IGF2BP1: variants seen among roughly 807,000 people sequenced by gnomAD.
IGF2BP1 encodes the protein insulin-like growth factor 2 mRNA-binding protein 1.
Under a neutral mutation model 74.9 loss-of-function variants are expected in IGF2BP1, and 11 were observed. The ratio of observed to expected loss-of-function variants is 0.15; its 90% confidence interval spans 0.09 to 0.24. The LOEUF (loss-of-function observed/expected upper bound fraction) is 0.24, where lower values mean the gene tolerates loss of function less well. Ranked by LOEUF, IGF2BP1 falls within the 10% of genes least tolerant of loss-of-function variation. The pLI, the probability that IGF2BP1 is intolerant of heterozygous loss-of-function variation, is 1.00. For synonymous variants in IGF2BP1, 287 were observed against 281.8 expected, an observed-to-expected ratio of 1.02 and a Z score of -0.18; for missense variants, 440 against 757.4, an observed-to-expected ratio of 0.58 and a Z score of 4.92.
At chr17:49,002,194 ATTAGTT>A (rs1742474772) in intron 2 of IGF2BP1, among the ~76,000 whole-genome samples, 1 of 152,172 alleles carries the variant, frequency 6.6e-6, no homozygotes, top group African/African-American at 2.4e-5. Context: ...ATTAAACAAA[ATTAGTT>A]TTATAAATCG....
At chr17:49,038,584 C>T in intron 6 of IGF2BP1, 135 bp downstream of exon 6, 3 of 919,544 alleles carry the variant, frequency 3.3e-6, no homozygotes, top group Non-Finnish European at 4.4e-6. Context: ...ATTCAGGGGT[C>T]CCTGCTTCCA....
intron 2 of IGF2BP1, among the ~76,000 whole-genome samples, chr17:49,008,656 C>G (rs1268210619): frequency 6.6e-6 from 1 of 152,182 alleles, no homozygotes; most frequent in Admixed American, 6.5e-5. Context: ...TGTCTAGGCC[C>G]AAACTCCTTT....
At chr17:49,029,848 A>T (rs2041901853) in intron 4 of IGF2BP1, among the ~76,000 whole-genome samples, 1 of 148,068 alleles carries the variant, frequency 6.8e-6, no homozygotes, top group Admixed American at 6.8e-5. Flanking sequence ...CTATGTTGCC[A>T]GGCTGGTCTC....
intron 4 of IGF2BP1, among the ~76,000 whole-genome samples, chr17:49,028,713 T>C (rs2041884884): frequency 6.6e-6 from 1 of 152,192 alleles, no homozygotes; most frequent in Admixed American, 6.5e-5. Flanking sequence ...ATGTTTGACT[T>C]TGTTGGACAG....
chr17:48,997,340 G>A (rs1460189493), upstream of IGF2BP1: 1 of 160,702 alleles, frequency 6.2e-6, no homozygotes, highest in African/African-American at 2.4e-5. The surrounding 1 kb of genome is among the most constrained non-coding windows in gnomAD (Gnocchi z 4.8). Context: ...GGTGGGTGGG[G>A]GCTGTCACCA....
In IGF2BP1 at chr17:49,038,874, A is replaced by ATCTT. The variant is rs1491495832; in HGVS notation, c.683+426_683+427insCTTT. Among the ~76,000 whole-genome samples, 57 of 75,274 alleles carry ATCTT rather than the reference A, an allele frequency of 7.6e-4. 5 individuals are homozygous for ATCTT. Among genetic ancestry groups the ATCTT allele is most frequent in the African/African-American group, 2.6e-3 (47 of 17,870 alleles). The allele number at this position is 75,274 out of a possible 152,430, so 49.4% of individuals were successfully genotyped here. Reference sequence around the variant, plus strand: ...CTGCCACTGCCACCTTCTTTCTTTAATATTTTTTTTTTTTTTTTTTTGAGA... The same window carrying ATCTT: ...CTGCCACTGCCACCTTCTTTCTTTAATCTTTATTTTTTTTTTTTTTTTTTTGAGA... On this transcript the variant is annotated intron_variant, in intron 6 of 14. Coordinates refer to ENST00000290341, the MANE Select transcript of IGF2BP1 (RefSeq NM_006546.4).
chr17:48,999,233 C>A, intron 2 of IGF2BP1, 64 bp downstream of exon 2: 2 of 976,216 alleles, frequency 2.0e-6, no homozygotes, highest in South Asian at 1.3e-5. Flanking sequence ...AAGCTGTGTT[C>A]AGGGGTCCAT....
intron 8 of IGF2BP1, 142 bp downstream of exon 8, chr17:49,041,642 A>C: frequency 8.7e-7 from 1 of 1,147,570 alleles, no homozygotes. Flanking sequence ...CGAAGTGGTA[A>C]AGAGCATTTA....
chr17:49,025,449 C>T (rs983462041), intron 2 of IGF2BP1, among the ~76,000 whole-genome samples, 169 bp from the exon 3 acceptor site: 1 of 151,688 alleles, frequency 6.6e-6, no homozygotes, highest in African/African-American at 2.4e-5. Context: ...AGCGGGTACC[C>T]CTACTCCAAG....
rs879764030 is a variant in IGF2BP1 at position 49,031,501 on chromosome 17, C to CT, written c.338-396dup. Among the ~76,000 whole-genome samples, 1,193 of 143,366 alleles carry CT rather than the reference C, an allele frequency of 8.3e-3. 12 individuals are homozygous for CT. The highest frequency in any genetic ancestry group is 0.024 in the African/African-American group (942 of 39,246). 94.1% of individuals were successfully genotyped at this position (143,366 alleles called of 152,430 possible). A position where few individuals can be genotyped will look rare whatever the true frequency, so the allele number is the denominator to read the frequency against. On this transcript the variant is annotated intron_variant, in intron 4 of 14. Transcript: ENST00000290341. ...TCTGCCAGGTGTCCTTTTCTTTCTT[C>CT]TTTTTTTTTTTTTGAGGTGGAATCT... is the stretch of plus-strand genomic sequence containing the variant.
chr17:48,998,981 G>A (rs2041447361), intron 1 of IGF2BP1, 128 bp from the exon 2 acceptor site: 1 of 645,356 alleles, frequency 1.5e-6, no homozygotes. Flanking sequence ...GGAAGCCACT[G>A]CCTGGATTCC....
At chr17:49,022,673 T>C (rs1230202411) in intron 2 of IGF2BP1, among the ~76,000 whole-genome samples, 1 of 152,214 alleles carries the variant, frequency 6.6e-6, no homozygotes. Flanking sequence ...TTTCAGGATA[T>C]GGATTAACAT....
At chr17:48,999,923 GGTGTGTGTGTGTGTGTGTGTGT>G (rs371605973) in intron 2 of IGF2BP1, among the ~76,000 whole-genome samples, 20 of 134,024 alleles carry the variant, frequency 1.5e-4, no homozygotes, top group African/African-American at 4.9e-4. Context: ...GTGGATGAAT[GGTGTGTGTGTGTGTGTGTGTGT>G]GTGTGTGTGT....
chr17:49,010,095 C>T (rs758431515), intron 2 of IGF2BP1, among the ~76,000 whole-genome samples: 49 of 152,132 alleles, frequency 3.2e-4, no homozygotes, highest in Admixed American at 9.2e-4. Flanking sequence ...CAAAACAAAA[C>T]ACAAAAAACA....
chr17:48,996,804 G>GT (rs1416056513), upstream of IGF2BP1, among the ~76,000 whole-genome samples: 1 of 152,124 alleles, frequency 6.6e-6, no homozygotes, highest in Non-Finnish European at 1.5e-5. Context: ...CGCTCGCAGG[G>GT]TCCCCCGGTC....
At position 48,999,807 on chromosome 17, in the gene IGF2BP1, C is replaced by T. The variant is rs528099612; in HGVS notation, c.236+638C>T. On this transcript the variant is annotated intron_variant, in intron 2 of 14. Transcript: ENST00000290341. ...CCTTGGCTGTACTATCCTTTTCGAGCCCCCCTACCCCCACTCCTTCAGCCC... is the reference window on the plus strand; with the variant it reads ...CCTTGGCTGTACTATCCTTTTCGAGTCCCCCTACCCCCACTCCTTCAGCCC... Among the ~76,000 whole-genome samples, 33 of 151,676 alleles carry T rather than the reference C, an allele frequency of 2.2e-4. No individual in the cohort carries two copies. The South Asian group carries it at 6.5e-3, about 30-fold the overall frequency.
intron 2 of IGF2BP1, among the ~76,000 whole-genome samples, chr17:48,999,911 C>T (rs1281961158): frequency 7.1e-6 from 1 of 140,736 alleles, no homozygotes; most frequent in Non-Finnish European, 1.5e-5. Context: ...GTCTAGAACT[C>T]CGTGGATGAA....
intron 2 of IGF2BP1, chr17:49,012,314 T>G (rs1168639597): frequency 6.6e-6 from 1 of 152,208 alleles, no homozygotes; most frequent in East Asian, 1.9e-4. Flanking sequence ...GAGAGGAAGC[T>G]GAACAAAGTG....
intron 11 of IGF2BP1, 116 bp downstream of exon 11, chr17:49,044,202 G>C (rs2042084803): frequency 1.4e-6 from 2 of 1,398,692 alleles, no homozygotes; most frequent in Admixed American, 2.2e-5. Flanking sequence ...TGTCATATGA[G>C]GGACCTTTCC....
Sources: gnomAD v4.1 joint callset for allele counts (sites outside exome capture counted in the v4.1 genomes callset) on GRCh38, gnomAD v4.1.1 for gene constraint, Gnocchi (gnomAD v3.1) non-coding constraint, MANE v1.5 for transcripts, NCBI Gene and HGNC (gene_info 2026-07-23, HGNC 2026-07-21) for gene names.